MRPS27: variants seen among roughly 807,000 people sequenced by gnomAD.
MRPS27 encodes mitochondrial ribosomal protein S27, also known as small ribosomal subunit protein mS27.
MRPS27 carries 43 observed loss-of-function variants against 48.9 expected under a neutral mutation model. That is an observed-to-expected ratio of 0.88 (90% CI 0.69 to 1.13). MRPS27 has a LOEUF of 1.13. MRPS27 is among the 50% of genes most tolerant of loss of function. The pLI is 0.00. For synonymous variants in MRPS27, 188 were observed against 171.9 expected, an observed-to-expected ratio of 1.09 and a Z score of -0.73; for missense variants, 467 against 476.3, an observed-to-expected ratio of 0.98 and a Z score of 0.18.
intron 4 of MRPS27, among the ~76,000 whole-genome samples, chr5:72,286,823 C>G (rs1749684016): frequency 6.6e-6 from 1 of 152,162 alleles, no homozygotes; most frequent in Non-Finnish European, 1.5e-5. Context: ...CCTCAACAAG[C>G]ACTGGGTGAT....
chr5:72,257,421 T>G (rs144052635), intron 4 of MRPS27, among the ~76,000 whole-genome samples: 28 of 152,348 alleles, frequency 1.8e-4, no homozygotes, highest in African/African-American at 6.7e-4. Flanking sequence ...TTTCTGTTTC[T>G]TCTCTCTCAG....
At chr5:72,259,860 T>C (rs1408520877) in intron 4 of MRPS27, among the ~76,000 whole-genome samples, 2 of 152,168 alleles carry the variant, frequency 1.3e-5, no homozygotes, top group Non-Finnish European at 2.9e-5. Context: ...AAAATAGGTA[T>C]TGTTTAATTT....
intron 4 of MRPS27, among the ~76,000 whole-genome samples, chr5:72,243,742 A>C (rs1393871453): frequency 1.3e-5 from 2 of 152,228 alleles, no homozygotes; most frequent in African/African-American, 4.8e-5. Context: ...ATCTACCTTC[A>C]CAATACAGAT....
At chr5:72,236,047 T>C (rs1423726249) in intron 5 of MRPS27, among the ~76,000 whole-genome samples, 1 of 152,162 alleles carries the variant, frequency 6.6e-6, no homozygotes, top group Non-Finnish European at 1.5e-5. Context: ...TGTTTTTCTT[T>C]TGTTAATCTG....
At chr5:72,266,000 T>C (rs1561345646) in intron 4 of MRPS27, among the ~76,000 whole-genome samples, 1 of 152,174 alleles carries the variant, frequency 6.6e-6, no homozygotes. Context: ...TATTCGAAAT[T>C]TGAATACAGA....
rs777832668 is a variant in MRPS27 at position 72,314,007 on chromosome 5, G to A, written c.151+74C>T. ...CATAAAAGCATAATTTCATATATAC[G>A]TTATATGAATAAATGATGGAAGACA... On this transcript the variant is annotated intron_variant, in intron 2 of 10. Transcript: ENST00000261413. 2.7e-4 allele frequency: 288 copies of A among 1,050,506 alleles called. 1 individual carries two copies. Among genetic ancestry groups the A allele is most frequent in the East Asian group, 7.2e-4 (30 of 41,468 alleles). The allele number at this position is 1,050,506 out of a possible 1,614,324, so 65.1% of individuals were successfully genotyped here.
intron 2 of MRPS27, among the ~76,000 whole-genome samples, chr5:72,308,210 C>G (rs571521658): frequency 1.8e-4 from 28 of 152,206 alleles, no homozygotes; most frequent in Non-Finnish European, 2.8e-4. Context: ...CAATCAGCCA[C>G]GAGGACGAAG....
chr5:72,259,247 T>C (rs1298784218), intron 4 of MRPS27, among the ~76,000 whole-genome samples: 3 of 152,122 alleles, frequency 2.0e-5, no homozygotes, highest in Non-Finnish European at 4.4e-5. Flanking sequence ...GGCAGGTGGA[T>C]CACCTGAGGT....
chr5:72,309,574 A>G (rs141929774), intron 2 of MRPS27, among the ~76,000 whole-genome samples: 13 of 152,162 alleles, frequency 8.5e-5, no homozygotes, highest in African/African-American at 3.1e-4. Flanking sequence ...GCAGATTATT[A>G]TACTCATTAT....
intron 4 of MRPS27, 139 bp downstream of exon 4, chr5:72,295,392 T>A (rs1749950066): frequency 3.3e-6 from 2 of 603,004 alleles, no homozygotes; most frequent in East Asian, 5.7e-5. Flanking sequence ...AATCAGAAAC[T>A]CTCTCTATAC....
intron 7 of MRPS27, among the ~76,000 whole-genome samples, chr5:72,231,068 T>A (rs1055782972): frequency 3.3e-5 from 5 of 152,096 alleles, no homozygotes; most frequent in Non-Finnish European, 7.4e-5. Context: ...AAACACAGAT[T>A]TGATTATTAT....
chr5:72,283,124 T>A (rs904768867), intron 4 of MRPS27, among the ~76,000 whole-genome samples: 1 of 152,094 alleles, frequency 6.6e-6, no homozygotes, highest in East Asian at 1.9e-4. Context: ...AGAAAGCTGA[T>A]GTCCAGAGAG....
chr5:72,229,932 C>CT (rs1561330353), intron 7 of MRPS27, among the ~76,000 whole-genome samples: 3 of 152,136 alleles, frequency 2.0e-5, no homozygotes, highest in African/African-American at 7.2e-5. Flanking sequence ...ATTGCCCAGG[C>CT]TGGAATGCAG....
intron 2 of MRPS27, among the ~76,000 whole-genome samples, chr5:72,310,411 TG>T (rs1750413847): frequency 6.7e-6 from 1 of 149,756 alleles, no homozygotes. Context: ...AAGAGGGGGG[TG>T]GGGGAAAATG....
At chr5:72,273,005 T>G (rs778519972) in intron 4 of MRPS27, among the ~76,000 whole-genome samples, 31 of 152,218 alleles carry the variant, frequency 2.0e-4, no homozygotes, top group Non-Finnish European at 4.0e-4. Flanking sequence ...TCTAAAACTG[T>G]GTATCTTGTG....
chr5:72,234,487 A>G (rs1469325279), intron 5 of MRPS27, among the ~76,000 whole-genome samples: 1 of 152,022 alleles, frequency 6.6e-6, no homozygotes, highest in Non-Finnish European at 1.5e-5. Context: ...AAAACATAAA[A>G]GAAAAAAGAA....
chr5:72,237,952 G>C (rs1035750070), intron 5 of MRPS27, 62 bp downstream of exon 5: 3 of 1,179,630 alleles, frequency 2.5e-6, no homozygotes, highest in Non-Finnish European at 3.8e-6. Flanking sequence ...TACTACAATA[G>C]GTACAAACAC....
intron 1 of MRPS27, among the ~76,000 whole-genome samples, chr5:72,317,147 T>C (rs571886870): frequency 2.6e-5 from 4 of 152,206 alleles, no homozygotes; most frequent in African/African-American, 9.6e-5. Flanking sequence ...ATTGGAATGC[T>C]GTTTTTATTC....
rs376522408 is a variant in MRPS27, at chr5:72,247,390, T to C, written c.282-9262A>G. Among the ~76,000 whole-genome samples the C allele has an allele frequency of 4.7e-4, 72 of 152,266 alleles. No individual in the cohort carries two copies. In the South Asian group the frequency reaches 0.014, roughly 29 times the overall value. ...TTCTATTAAACCAGAAAAATGGCAG[T>C]GATACAAACAAGTGAATAAAGACTC... On this transcript the variant is annotated intron_variant, in intron 4 of 10. Transcript: ENST00000261413.
Sources: allele counts gnomAD v4.1 joint callset (sites outside exome capture counted in the v4.1 genomes callset), GRCh38; gene constraint gnomAD v4.1.1; transcripts MANE v1.5; gene names NCBI Gene and HGNC (gene_info 2026-07-23, HGNC 2026-07-21).